DLG2: variants seen among roughly 807,000 people sequenced by gnomAD.
DLG2 encodes the protein discs large MAGUK scaffold protein 2.
DLG2 carries 45 observed loss-of-function variants against 132.5 expected under a neutral mutation model. That is an observed-to-expected ratio of 0.34 (90% confidence interval 0.27 to 0.44). DLG2 has a LOEUF of 0.44. DLG2 is among the 20% of genes least tolerant of loss of function. DLG2 has a pLI of 1.00. For missense variants in DLG2, 1,045 were observed against 1,196.9 expected, an observed-to-expected ratio of 0.87 and a Z score of 1.87; for synonymous variants, 424 against 419.6, an observed-to-expected ratio of 1.01 and a Z score of -0.13.
At chr11:85,219,384 T>C (rs1421881823) in intron 4 of DLG2, among the ~76,000 whole-genome samples, 1 of 152,106 alleles carries the variant, frequency 6.6e-6, no homozygotes, top group East Asian at 1.9e-4. Flanking sequence ...TAGTACTTCT[T>C]TAGTCTCTGT....
At chr11:84,565,560 G>T (rs2099450243) in intron 6 of DLG2, among the ~76,000 whole-genome samples, 1 of 152,080 alleles carries the variant, frequency 6.6e-6, no homozygotes, top group African/African-American at 2.4e-5. Flanking sequence ...ACAATACCTA[G>T]AACATAGTAT....
chr11:85,159,895 A>G (rs1447205180), intron 4 of DLG2, among the ~76,000 whole-genome samples: 1 of 152,204 alleles, frequency 6.6e-6, no homozygotes, highest in Non-Finnish European at 1.5e-5. Flanking sequence ...ACAATGGCCC[A>G]TTACATTGAT....
chr11:85,283,394 A>T (rs571363202), intron 4 of DLG2, among the ~76,000 whole-genome samples: 7 of 151,798 alleles, frequency 4.6e-5, no homozygotes, highest in Non-Finnish European at 7.4e-5. Context: ...AGAATTTTTT[A>T]AAAAGTAATA....
intron 14 of DLG2, among the ~76,000 whole-genome samples, chr11:83,934,196 C>G (rs73508270): frequency 0.021 from 3,122 of 152,240 alleles, 97 homozygotes; most frequent in African/African-American, 0.071. Flanking sequence ...TTTGCAATCA[C>G]TACAGTGAAA....
chr11:84,310,920 C>T (rs528698507), intron 7 of DLG2, among the ~76,000 whole-genome samples: 2 of 152,322 alleles, frequency 1.3e-5, no homozygotes, highest in East Asian at 3.9e-4. Context: ...GGGAGATTTA[C>T]AGAGCTTGGC....
At chr11:85,440,694 T>A (rs540318326) in intron 3 of DLG2, among the ~76,000 whole-genome samples, 144 of 152,282 alleles carry the variant, frequency 9.5e-4, no homozygotes, top group African/African-American at 3.2e-3. Flanking sequence ...CAGAGGGAAA[T>A]AAATTAGGTA....
intron 18 of DLG2, among the ~76,000 whole-genome samples, chr11:83,769,964 G>A (rs2094316609): frequency 6.6e-6 from 1 of 152,104 alleles, no homozygotes; most frequent in African/African-American, 2.4e-5. Flanking sequence ...GAGGGGTGGT[G>A]CTCCAATCTG....
At chr11:83,624,345 CTA>C (rs1301153899) in intron 19 of DLG2, among the ~76,000 whole-genome samples, 1 of 152,152 alleles carries the variant, frequency 6.6e-6, no homozygotes, top group Non-Finnish European at 1.5e-5. Context: ...ATCAGGTAGC[CTA>C]TGATTGCAGG....
intron 11 of DLG2, among the ~76,000 whole-genome samples, chr11:83,992,519 C>A (rs148092776): frequency 7.2e-4 from 110 of 152,084 alleles, no homozygotes; most frequent in African/African-American, 2.4e-3. Flanking sequence ...TACTCAAAGA[C>A]CCAGCATTGA....
intron 8 of DLG2, chr11:84,166,897 A>G: frequency 3.8e-6 from 2 of 532,682 alleles, no homozygotes; most frequent in Non-Finnish European, 7.7e-6. Context: ...TCCTCAAAAG[A>G]GTTCGGCCGA....
intron 18 of DLG2, among the ~76,000 whole-genome samples, chr11:83,684,740 C>T (rs1169817870): frequency 6.6e-6 from 1 of 152,090 alleles, no homozygotes; most frequent in Non-Finnish European, 1.5e-5. Context: ...TGCCTTCCAC[C>T]TACATTTAGC....
At chr11:83,889,662 A>G (rs1332141870) in intron 15 of DLG2, among the ~76,000 whole-genome samples, 3 of 152,156 alleles carry the variant, frequency 2.0e-5, no homozygotes, top group Non-Finnish European at 2.9e-5. Flanking sequence ...ATGCACATGT[A>G]TGTTTATTTC....
rs181591402 is a variant in DLG2 at position 85,154,995 on chromosome 11, G to C, written c.187-344C>G. On this transcript the variant is annotated intron_variant, in intron 4 of 27. Coordinates refer to ENST00000376104, the MANE Select transcript of DLG2 (RefSeq NM_001142699.3). ...AGAGGGCTGATTTCACTTTATATAAGTTCTCATGCTTGGAGAAATCTCTAT... is the reference window on the plus strand; with the variant it reads ...AGAGGGCTGATTTCACTTTATATAACTTCTCATGCTTGGAGAAATCTCTAT... Among the ~76,000 whole-genome samples, 419 of 152,330 alleles carry C rather than the reference G, an allele frequency of 2.8e-3. 2 individuals carry two copies. Among genetic ancestry groups the C allele is most frequent in the Non-Finnish European group, 1.8e-3 (124 of 68,036 alleles).
chr11:84,788,529 C>T (rs1565964883), intron 6 of DLG2, among the ~76,000 whole-genome samples: 1 of 152,000 alleles, frequency 6.6e-6, no homozygotes, highest in Admixed American at 6.6e-5. Context: ...ATTTATATTA[C>T]TTTTCTTAGT....
rs780112400 is a variant in DLG2, at chr11:84,163,499, C to T, written c.586G>A (p.Glu196Lys). 1 of 1,606,696 alleles carries T rather than the reference C, an allele frequency of 6.2e-7. No homozygotes were observed. The highest frequency in any genetic ancestry group is 8.5e-7 in the Non-Finnish European group (1 of 1,177,326). ...LDTIPYVNGTEIEYEFEEITL... is the reference protein window; with the variant it reads ...LDTIPYVNGTKIEYEFEEITL... ...ATTTCTTCAAATTCATATTCAATTT[C>T]TGTCCCATTGACCTGTAAATAGGGA... Residue 196 changes from glutamate (E) to lysine (K), a missense_variant, in exon 9 of 28, where the codon GAA (glutamate) becomes AAA (lysine). Glu to Lys is a moderately conservative substitution (Grantham distance 56). Transcript: ENST00000376104.
At chr11:84,871,379 A>G (rs2085435192) in intron 6 of DLG2, among the ~76,000 whole-genome samples, 1 of 152,202 alleles carries the variant, frequency 6.6e-6, no homozygotes, top group Non-Finnish European at 1.5e-5. Context: ...TGGTTTGGAA[A>G]GCCATTAAAA....
At chr11:84,147,686 G>A (rs2095136307) in intron 9 of DLG2, among the ~76,000 whole-genome samples, 1 of 151,692 alleles carries the variant, frequency 6.6e-6, no homozygotes, top group African/African-American at 2.4e-5. Context: ...TTAATAATTG[G>A]GCATACACAC....
Position 84,375,251 on chromosome 11 carries a change from T to C in DLG2, c.520-123960A>G, listed in dbSNP as rs573748608. On this transcript the variant is annotated intron_variant, in intron 7 of 27. Coordinates refer to ENST00000376104, the MANE Select transcript of DLG2 (RefSeq NM_001142699.3). ...AGAAGGGTTCTTGTCTTATTAATCT[T>C]TGTTTAATTAGTGCTTGGAACTATA... 7.2e-5 allele frequency among the ~76,000 whole-genome samples: 11 copies of C among 152,320 alleles called. No homozygotes were observed. In the South Asian group the frequency reaches 2.1e-3, roughly 29 times the overall value.
intron 11 of DLG2, among the ~76,000 whole-genome samples, chr11:84,011,776 T>C (rs920059182): frequency 3.3e-5 from 5 of 152,152 alleles, no homozygotes; most frequent in Admixed American, 1.3e-4. Context: ...CTATGCTCTA[T>C]GAGTACAAGA....
Sources: gnomAD v4.1 joint callset for allele counts (sites outside exome capture counted in the v4.1 genomes callset) on GRCh38, gnomAD v4.1.1 for gene constraint, MANE v1.5 for transcripts, NCBI Gene and HGNC (gene_info 2026-07-23, HGNC 2026-07-21) for gene names.